The following TBX15 variants were observed in gnomAD, a reference collection of about 807,000 sequenced individuals.
TBX15 encodes the protein T-box transcription factor 15, also known as T-box transcription factor TBX15.
TBX15 carries 18 observed loss-of-function variants against 53.9 expected under a neutral mutation model. The ratio of observed to expected loss-of-function variants is 0.33; its 90% CI spans 0.23 to 0.49. The LOEUF (loss-of-function observed/expected upper bound fraction) is 0.49. Among genes scored for constraint, TBX15 ranks in the 20% least tolerant of loss-of-function variants. TBX15 has a pLI of 0.98. For synonymous variants in TBX15, 295 were observed against 278.0 expected (o/e 1.06, Z -0.61); for missense variants, 692 against 749.5 (o/e 0.92, Z 0.90).
rs143546776 is a variant in TBX15, at chr1:118,926,073, A to C, written c.521+437T>G. 2.2e-4 allele frequency among the ~76,000 whole-genome samples: 34 copies of C among 152,288 alleles called. No individual in the cohort carries two copies. In the East Asian group the frequency reaches 5.4e-3, roughly 24 times the overall value. ...AGATATTCTTCTTGAAATTTTACCC[A>C]GTTCTCTTGTTCTTCCTCTCCATCA... On this transcript the variant is annotated intron_variant, in intron 3 of 7. Coordinates refer to ENST00000369429, the MANE Select transcript of TBX15 (RefSeq NM_001330677.2).
At chr1:118,903,588 C>T (rs916368680) in intron 6 of TBX15, among the ~76,000 whole-genome samples, 1 of 152,038 alleles carries the variant, frequency 6.6e-6, no homozygotes, top group Non-Finnish European at 1.5e-5. Flanking sequence ...TTGCTGGTGA[C>T]ACTGGTAACA....
intron 5 of TBX15, among the ~76,000 whole-genome samples, chr1:118,916,931 C>G (rs1655256681): frequency 6.6e-6 from 1 of 151,842 alleles, no homozygotes; most frequent in Non-Finnish European, 1.5e-5. Context: ...CAGATGCTGG[C>G]AAGGCTGTGA....
intron 1 of TBX15, among the ~76,000 whole-genome samples, 197 bp from the exon 2 acceptor site, chr1:118,932,029 T>C (rs1392082716): frequency 1.3e-5 from 2 of 152,196 alleles, no homozygotes; most frequent in African/African-American, 4.8e-5. Context: ...ATTTATGACC[T>C]TCTTTCAGGT....
chr1:118,982,335 C>A (rs1477666584), intron 1 of TBX15, among the ~76,000 whole-genome samples: 1 of 152,222 alleles, frequency 6.6e-6, no homozygotes. Flanking sequence ...ATCAGGATCT[C>A]AAAGCGATCC....
At chr1:118,948,287 C>A (rs550888449) in intron 1 of TBX15, among the ~76,000 whole-genome samples, 1 of 152,008 alleles carries the variant, frequency 6.6e-6, no homozygotes, top group African/African-American at 2.4e-5. Flanking sequence ...CAGTCCACAC[C>A]GAGAGATTGG....
Position 118,987,886 on chromosome 1 carries a change from C to G in TBX15, c.-91G>C, listed in dbSNP as rs1392579704. 3 of 1,484,440 alleles carry G rather than the reference C, an allele frequency of 2.0e-6. No homozygotes were observed. Among genetic ancestry groups the G allele is most frequent in the Admixed American group, 2.1e-5 (1 of 48,462 alleles). The allele number at this position is 1,484,440 out of a possible 1,614,324, so 92.0% of individuals were successfully genotyped here. Reference sequence around the variant, plus strand: ...CTCTGAGCGCCCACCGGGCCCGGCCCGGGAGAGGCGGAGGCGCGTCGGACG... The same window carrying G: ...CTCTGAGCGCCCACCGGGCCCGGCCGGGGAGAGGCGGAGGCGCGTCGGACG... On this transcript the variant is annotated 5_prime_UTR_variant, in exon 1 of 8. Coordinates refer to ENST00000369429, the MANE Select transcript of TBX15 (RefSeq NM_001330677.2).
rs565142059 is a variant in TBX15 at position 118,930,015 on chromosome 1, T to C, written c.419+1604A>G. ...CCCAAGCAACGAAAAAGAGATGATA[T>C]TGAACACAGTTATCCAGCCCATCTT... On this transcript the variant is annotated intron_variant, in intron 2 of 7. Transcript: ENST00000369429. Among the ~76,000 whole-genome samples the C allele has an allele frequency of 3.7e-4, 56 of 152,300 alleles. 1 individual carries two copies. The highest frequency in any genetic ancestry group is 1.2e-3 in the African/African-American group (50 of 41,558).
intron 5 of TBX15, among the ~76,000 whole-genome samples, chr1:118,921,987 A>G (rs973424284): frequency 1.3e-5 from 2 of 152,250 alleles, no homozygotes; most frequent in Non-Finnish European, 2.9e-5. Context: ...GTTAGGTAAC[A>G]GCTCTGACCT....
intron 6 of TBX15, among the ~76,000 whole-genome samples, chr1:118,913,489 G>C (rs894349782): frequency 2.0e-5 from 3 of 152,144 alleles, no homozygotes; most frequent in African/African-American, 7.2e-5. Context: ...AAATGACACA[G>C]TCTCTAAGGA....
intron 5 of TBX15, among the ~76,000 whole-genome samples, 194 bp from the exon 6 acceptor site, chr1:118,914,373 C>G (rs1655119947): frequency 6.6e-6 from 1 of 152,134 alleles, no homozygotes; most frequent in Admixed American, 6.5e-5. Flanking sequence ...ACCCGACTCA[C>G]TTCTCTATAA....
At chr1:118,956,193 T>C (rs1656684609) in intron 1 of TBX15, among the ~76,000 whole-genome samples, 2 of 152,156 alleles carry the variant, frequency 1.3e-5, no homozygotes, top group South Asian at 4.1e-4. Flanking sequence ...TTTCTGTTTA[T>C]AAGCTACTCA....
chr1:118,889,239 T>C (rs752348238), intron 7 of TBX15, among the ~76,000 whole-genome samples: 2 of 152,226 alleles, frequency 1.3e-5, no homozygotes, highest in Non-Finnish European at 2.9e-5. Context: ...AAGACTATGG[T>C]ATTCATTTTG....
At chr1:118,932,582 G>C (rs1262512613) in intron 1 of TBX15, among the ~76,000 whole-genome samples, 2 of 152,120 alleles carry the variant, frequency 1.3e-5, no homozygotes, top group Non-Finnish European at 2.9e-5. Context: ...CTGAAGTATG[G>C]GCAGAGGGGA....
intron 1 of TBX15, among the ~76,000 whole-genome samples, chr1:118,949,212 T>A (rs909547022): frequency 1.3e-5 from 2 of 152,212 alleles, no homozygotes; most frequent in African/African-American, 4.8e-5. Flanking sequence ...TTTCTAAGGC[T>A]TCTACTGGAA....
intron 6 of TBX15, among the ~76,000 whole-genome samples, 177 bp from the exon 7 acceptor site, chr1:118,899,302 G>A (rs1207143226): frequency 3.3e-5 from 5 of 152,032 alleles, no homozygotes; most frequent in African/African-American, 1.2e-4. Flanking sequence ...GACTGCAGGG[G>A]GAATAACAAA....
intron 7 of TBX15, among the ~76,000 whole-genome samples, chr1:118,895,028 G>A (rs1021682714): frequency 2.0e-5 from 3 of 152,142 alleles, no homozygotes; most frequent in Non-Finnish European, 4.4e-5. Context: ...TCATTACAGT[G>A]ACGTCATAGT....
chr1:118,977,918 G>A (rs1300608810), intron 1 of TBX15, among the ~76,000 whole-genome samples: 1 of 152,108 alleles, frequency 6.6e-6, no homozygotes, highest in African/African-American at 2.4e-5. Context: ...GTAATGAGGG[G>A]GCAACTGATT....
chr1:118,903,019 C>G (rs771881634), intron 6 of TBX15, among the ~76,000 whole-genome samples: 11 of 152,070 alleles, frequency 7.2e-5, no homozygotes, highest in Non-Finnish European at 1.5e-4. Flanking sequence ...CAGCAGAGAC[C>G]TGATGTCATC....
At chr1:118,968,788 G>A (rs1323158841) in intron 1 of TBX15, among the ~76,000 whole-genome samples, 1 of 152,126 alleles carries the variant, frequency 6.6e-6, no homozygotes, top group African/African-American at 2.4e-5. Flanking sequence ...TTGGATTACA[G>A]TCTACAGTGA....
Sources: allele counts gnomAD v4.1 joint callset (sites outside exome capture counted in the v4.1 genomes callset), GRCh38; gene constraint gnomAD v4.1.1; transcripts MANE v1.5; gene names NCBI Gene and HGNC (gene_info 2026-07-23, HGNC 2026-07-21).